The following COPS3 variants were observed in gnomAD, a reference collection of about 807,000 sequenced individuals.
The protein encoded by COPS3 is COP9 signalosome subunit 3.
In COPS3, 10 loss-of-function variants were observed where a neutral mutation model predicts 58.2. The ratio of observed to expected loss-of-function variants is 0.17; its 90% confidence interval spans 0.11 to 0.29. The LOEUF (loss-of-function observed/expected upper bound fraction) is 0.29, where lower values mean the gene tolerates loss of function less well. COPS3 is among the 10% of genes least tolerant of loss of function. The probability of loss-of-function intolerance (pLI) is 1.00; values close to 1 mark genes in which losing one functional copy is unlikely to be tolerated. For missense variants in COPS3, 333 were observed against 510.1 expected, an observed-to-expected ratio of 0.65 and a Z score of 3.34; for synonymous variants, 187 against 181.7, an observed-to-expected ratio of 1.03 and a Z score of -0.24.
intron 1 of COPS3, chr17:17,280,917 G>A (rs1296375284): frequency 1.2e-5 from 11 of 888,730 alleles, no homozygotes; most frequent in Non-Finnish European, 1.8e-5. Context: ...CCGAGGGAGG[G>A]GAGGCCGGCC....
intron 6 of COPS3, among the ~76,000 whole-genome samples, chr17:17,263,594 A>G (rs562060962): frequency 5.9e-5 from 8 of 136,688 alleles, no homozygotes; most frequent in African/African-American, 1.9e-4. Context: ...GCTCACTGCA[A>G]CCTCCGCCTC....
chr17:17,253,814 G>T (rs1708624), intron 9 of COPS3, among the ~76,000 whole-genome samples: 98,382 of 151,814 alleles, frequency 0.65, 32,229 homozygotes, highest in East Asian at 0.85. Flanking sequence ...ATTTCATGAG[G>T]GTTATGAGGT....
chr17:17,267,445 C>A (rs1458517191), intron 5 of COPS3, among the ~76,000 whole-genome samples: 1 of 151,678 alleles, frequency 6.6e-6, no homozygotes, highest in Non-Finnish European at 1.5e-5. Flanking sequence ...TCAACGCCAG[C>A]CTGGCCAACA....
At chr17:17,267,793 A>G in intron 5 of COPS3, 92 bp downstream of exon 5, 1 of 1,307,910 alleles carries the variant, frequency 7.6e-7, no homozygotes, top group Non-Finnish European at 1.1e-6. Flanking sequence ...AATATCGCCA[A>G]CTTGCCTGTG....
chr17:17,273,560 A>G (rs7219248), intron 2 of COPS3, among the ~76,000 whole-genome samples: 76,688 of 151,892 alleles, frequency 0.5, 19,792 homozygotes, highest in East Asian at 0.63. Context: ...CTCTACAGAA[A>G]AAAAAAGTGG....
intron 8 of COPS3, among the ~76,000 whole-genome samples, chr17:17,258,991 C>A (rs549888258): frequency 1.3e-5 from 2 of 152,220 alleles, no homozygotes; most frequent in South Asian, 4.2e-4. Context: ...TCCTTAGGAT[C>A]CTTTATCCTT....
intron 4 of COPS3, 171 bp from the exon 5 acceptor site, chr17:17,268,148 T>C (rs1567858026): frequency 1.0e-6 from 1 of 994,862 alleles, no homozygotes; most frequent in Non-Finnish European, 1.3e-6. Flanking sequence ...GTCAGAAAAC[T>C]TTTCTTAAGC....
intron 9 of COPS3, among the ~76,000 whole-genome samples, chr17:17,250,503 C>T (rs1044315448): frequency 2.4e-4 from 36 of 152,094 alleles, no homozygotes; most frequent in African/African-American, 8.0e-4. Flanking sequence ...AAGCCTAACA[C>T]GTTTTCTTTT....
intron 1 of COPS3, chr17:17,280,548 AC>A (rs374649804): frequency 0.14 from 174,282 of 1,250,234 alleles, 12,573 homozygotes; most frequent in East Asian, 0.21. Flanking sequence ...CTAAAAAAAA[AC>A]AAAGAAGAAG....
intron 1 of COPS3, among the ~76,000 whole-genome samples, chr17:17,278,075 C>T (rs959667987): frequency 1.3e-5 from 2 of 151,992 alleles, no homozygotes; most frequent in African/African-American, 4.8e-5. Context: ...TCCTTGAACC[C>T]GGGAGATGGA....
chr17:17,254,987 A>G, intron 8 of COPS3, 42 bp from the exon 9 acceptor site: 1 of 1,375,942 alleles, frequency 7.3e-7, no homozygotes. Flanking sequence ...AGGAACAACG[A>G]AGGAAGGACA....
At chr17:17,275,920 T>G in intron 2 of COPS3, 115 bp downstream of exon 2, 1 of 1,006,276 alleles carries the variant, frequency 9.9e-7, no homozygotes, top group Non-Finnish European at 1.4e-6. Flanking sequence ...CCAGCCTGGG[T>G]GACAGAGCGA....
At chr17:17,252,981 T>G (rs1275091020) in intron 9 of COPS3, among the ~76,000 whole-genome samples, 1 of 152,158 alleles carries the variant, frequency 6.6e-6, no homozygotes, top group Admixed American at 6.6e-5. Flanking sequence ...TCCCAGCACT[T>G]TGGGAGGCCA....
intron 9 of COPS3, among the ~76,000 whole-genome samples, chr17:17,250,210 T>TG (rs887980056): frequency 6.6e-5 from 10 of 152,016 alleles, no homozygotes; most frequent in Admixed American, 6.6e-4. Context: ...GAGGTGCCCT[T>TG]GCATTTTTCA....
At chr17:17,273,365 C>A (rs966776303) in intron 2 of COPS3, among the ~76,000 whole-genome samples, 2 of 152,182 alleles carry the variant, frequency 1.3e-5, no homozygotes, top group African/African-American at 4.8e-5. Flanking sequence ...TGTCTTAGCA[C>A]AGGTTTGTAA....
At chr17:17,251,458 C>G (rs2047841143) in intron 9 of COPS3, among the ~76,000 whole-genome samples, 1 of 150,658 alleles carries the variant, frequency 6.6e-6, no homozygotes, top group Non-Finnish European at 1.5e-5. Flanking sequence ...TCATGCCTAG[C>G]TAATTTTTTT....
At position 17,247,101 on chromosome 17, in the gene COPS3, A is replaced by G; in HGVS notation, c.1269T>C (p.Ser423=). The change falls in exon 12 of 12, where the codon TCT becomes TCC. Residue 423 remains serine (S), a synonymous_variant. Coordinates refer to ENST00000268717, the MANE Select transcript of COPS3 (RefSeq NM_003653.4). ...TAGCTCAGGATGGATGTTAGTTTCA[A>G]GAATAACTGGATGGTTTGTTTCCTG... is the stretch of plus-strand genomic sequence containing the variant. ...DDSGNKPSSY[S] is the part of the protein sequence containing the mutation. 1.2e-6 allele frequency: 2 copies of G among 1,613,572 alleles called. No individual in the cohort carries two copies. Among genetic ancestry groups the G allele is most frequent in the East Asian group, 4.5e-5 (2 of 44,902 alleles).
chr17:17,257,568 C>G (rs971006199), intron 8 of COPS3, among the ~76,000 whole-genome samples: 1 of 151,380 alleles, frequency 6.6e-6, no homozygotes, highest in African/African-American at 2.4e-5. Flanking sequence ...GAGGCTGAGG[C>G]GGGCGGATCA....
At chr17:17,249,516 G>A (rs546404578) in intron 9 of COPS3, among the ~76,000 whole-genome samples, 1 of 151,244 alleles carries the variant, frequency 6.6e-6, no homozygotes, top group Admixed American at 6.6e-5. Context: ...TTTTGAGATG[G>A]CGTTTCGCTC....
Sources: gnomAD v4.1 joint callset for allele counts (sites outside exome capture counted in the v4.1 genomes callset) on GRCh38, gnomAD v4.1.1 for gene constraint, MANE v1.5 for transcripts, NCBI Gene and HGNC (gene_info 2026-07-23, HGNC 2026-07-21) for gene names.